Variants in PCSK7 observed in about 807,000 individuals in gnomAD.
The protein encoded by PCSK7 is lymphoma proprotein convertase.
In PCSK7, 38 loss-of-function variants were observed where a neutral mutation model predicts 73.3. That is an observed-to-expected ratio of 0.52 (90% CI 0.40 to 0.68). The LOEUF (loss-of-function observed/expected upper bound fraction) is 0.68. Ranked by LOEUF, PCSK7 falls within the 30% of genes least tolerant of loss-of-function variation. The pLI, the probability that PCSK7 is intolerant of heterozygous loss-of-function variation, is 0.00. For synonymous variants in PCSK7, 296 were observed against 383.8 expected (o/e 0.77, Z 2.68); for missense variants, 692 against 991.5 (o/e 0.70, Z 4.06).
At chr11:117,229,319 T>G in intron 3 of PCSK7, 58 bp downstream of exon 3, 1 of 1,305,640 alleles carries the variant, frequency 7.7e-7, no homozygotes. Context: ...AAAAGCCCAT[T>G]AAAGAACTGG....
intron 10 of PCSK7, 43 bp downstream of exon 10, chr11:117,219,548 A>G: frequency 6.3e-7 from 1 of 1,585,104 alleles, no homozygotes; most frequent in Non-Finnish European, 8.6e-7. Flanking sequence ...CGAACTCTGG[A>G]GCAGGCTGGG....
At chr11:117,219,324 A>C in intron 10 of PCSK7, 160 bp from the exon 11 acceptor site, 1 of 656,660 alleles carries the variant, frequency 1.5e-6, no homozygotes, top group Non-Finnish European at 2.6e-6. Flanking sequence ...ACAAAAGGTC[A>C]AAGCCCATGA....
chr11:117,225,632 G>A (rs1055317780), intron 6 of PCSK7: 1 of 414,312 alleles, frequency 2.4e-6, no homozygotes, highest in Admixed American at 3.5e-5. Flanking sequence ...GCATTCAGCT[G>A]GCCTGTGGAT....
Position 117,229,704 on chromosome 11 carries a change from C to T in PCSK7, c.141G>A (p.Gln47=), listed in dbSNP as rs150193989. 1.7e-5 allele frequency: 28 copies of T among 1,613,768 alleles called. No individual in the cohort carries two copies. In the African/African-American group the frequency reaches 3.6e-4, roughly 21 times the overall value. Residue 47 remains glutamine, a synonymous_variant, in exon 3 of 17, where the codon CAG becomes CAA. Coordinates refer to ENST00000320934, the MANE Select transcript of PCSK7 (RefSeq NM_004716.4). ...GLAGTGGPDG[Q]GTGGPSWAVH... is the part of the protein sequence containing the mutation. ...CAGCCCAGCTCGGCCCCCCTGTGCC[C>T]TGGCCATCAGGCCCACCTGTCCCTG...
At chr11:117,213,950 C>CCTTTTTT (rs2031843534) in intron 12 of PCSK7, 1 of 120,768 alleles carries the variant, frequency 8.3e-6, no homozygotes, top group African/African-American at 3.3e-5. Context: ...CTTTTCTTTT[C>CCTTTTTT]TTTTTCTTTT....
chr11:117,231,369 T>C (rs2032656364), intron 1 of PCSK7, among the ~76,000 whole-genome samples: 1 of 152,092 alleles, frequency 6.6e-6, no homozygotes, highest in Admixed American at 6.5e-5. Flanking sequence ...TCCCTCTCAA[T>C]CCCTCCCTGC....
At position 117,204,442 on chromosome 11, in the gene PCSK7, C is replaced by G; in HGVS notation, c.*1555G>C. On this transcript the variant is annotated 3_prime_UTR_variant, in exon 17 of 17. Coordinates refer to ENST00000320934, the MANE Select transcript of PCSK7 (RefSeq NM_004716.4). ...CCGCTTAGCCTGCCTCACCCACACC[C>G]GTGTGGTACCTTCAGCCCTGGCCAA... 6.3e-7 allele frequency: 1 copy of G among 1,587,568 alleles called. No individual in the cohort carries two copies. The highest frequency in any genetic ancestry group is 1.7e-5 in the Admixed American group (1 of 58,324).
chr11:117,211,984 A>G (rs2031747620), intron 12 of PCSK7: 2 of 152,338 alleles, frequency 1.3e-5, no homozygotes, highest in South Asian at 4.1e-4. Flanking sequence ...TGTATCAGAT[A>G]TTATTTCTTT....
rs1160890359 is a variant in PCSK7, at chr11:117,224,103, G to A, written c.1029C>T (p.Ala343=). ...CTATGGTGACGGTGTAGATGGAGTT[G>A]GCGTAGCCATCGTAGTTGCAGTTGT... ...HNDNCNYDGY[A]NSIYTVTIGA... is the part of the protein sequence containing the mutation. Residue 343 remains alanine, a synonymous_variant, in exon 8 of 17, where the codon GCC becomes GCT. Transcript: ENST00000320934. 1.9e-6 allele frequency: 3 copies of A among 1,613,914 alleles called. No individual in the cohort carries two copies. Among genetic ancestry groups the A allele is most frequent in the African/African-American group, 1.3e-5 (1 of 74,950 alleles).
In PCSK7 at chr11:117,229,762, A is replaced by T; in HGVS notation, c.83T>A (p.Leu28His). The change falls in exon 3 of 17, where the codon CTC (leucine) becomes CAC (histidine). Residue 28 changes from leucine (L) to histidine (H), a missense_variant. By Grantham distance (99) the Leu-to-His change is moderately conservative. Around this residue, in one of 6 missense-constraint regions of PCSK7, gnomAD observed 574 missense variants for 689.8 expected, o/e 0.83. Transcript: ENST00000320934. Reference protein sequence around the residue: ...PTCLWLELAGLFLLVPWVMGL... With the variant: ...PTCLWLELAGHFLLVPWVMGL... ...CATGACCCAGGGAACCAGTAAGAAG[A>T]GCCCGGCTAATTCCAGCCAGAGGCA... 1 of 1,613,400 alleles carries T rather than the reference A, an allele frequency of 6.2e-7. No homozygotes were observed. Among genetic ancestry groups the T allele is most frequent in the Non-Finnish European group, 8.5e-7 (1 of 1,179,518 alleles).
At chr11:117,210,747 T>G (rs1159415746) in intron 12 of PCSK7, 1 of 152,150 alleles carries the variant, frequency 6.6e-6, no homozygotes, top group African/African-American at 2.4e-5. Context: ...GAGGATAACT[T>G]CAGCCTGGGA....
At chr11:117,217,277 G>A (rs990908765) in intron 12 of PCSK7, 1 of 152,222 alleles carries the variant, frequency 6.6e-6, no homozygotes, top group Non-Finnish European at 1.5e-5. Flanking sequence ...TTAAGTCACT[G>A]CCCTCATTTG....
Position 117,225,951 on chromosome 11 carries a change from G to C in PCSK7, c.840C>G (p.Ile280Met). 6.2e-7 allele frequency: 1 copy of C among 1,607,996 alleles called. No individual in the cohort carries two copies. Among genetic ancestry groups the C allele is most frequent in the Non-Finnish European group, 8.5e-7 (1 of 1,174,508 alleles). Residue 280 changes from isoleucine (I) to methionine (M), a missense_variant, in exon 6 of 17, where the codon ATC (isoleucine) becomes ATG (methionine). Around this residue, in one of 6 missense-constraint regions of PCSK7, gnomAD observed 574 missense variants for 689.8 expected, o/e 0.83. Coordinates refer to ENST00000320934, the MANE Select transcript of PCSK7 (RefSeq NM_004716.4). ...CTCACCTGCAGCTGTAGATGTCATT[G>C]ATCTGATAGTGCTTGTTGAACGCCA... ...EAVAFNKHYQINDIYSCSWGP... is the reference protein window; with the variant it reads ...EAVAFNKHYQMNDIYSCSWGP...
At chr11:117,211,498 C>T (rs956908191) in intron 12 of PCSK7, 2 of 152,202 alleles carry the variant, frequency 1.3e-5, no homozygotes, top group African/African-American at 4.8e-5. Context: ...CCACTTTCCC[C>T]ACTCTCTTCT....
intron 9 of PCSK7, 148 bp from the exon 10 acceptor site, chr11:117,219,906 C>A (rs143491335): frequency 3.8e-6 from 2 of 522,678 alleles, no homozygotes; most frequent in Non-Finnish European, 6.8e-6. Flanking sequence ...TGCACTCCAG[C>A]CTAGGTGGCT....
chr11:117,224,645 C>G, intron 7 of PCSK7, 56 bp downstream of exon 7: 2 of 1,382,924 alleles, frequency 1.4e-6, no homozygotes, highest in Non-Finnish European at 2.1e-6. Flanking sequence ...GCAGTTCTCC[C>G]GGGACTGTAT....
In PCSK7 at chr11:117,230,341, G is replaced by A. The variant is rs919433351; in HGVS notation, c.-13+8C>T. ...GGCTAATTCCCCATAACAGGGCCCC[G>A]TGCCCACCTGGATTCTACATGAGGT... On this transcript the variant is annotated splice_region_variant and intron_variant, in intron 2 of 16. Transcript: ENST00000320934. 5 of 154,498 alleles carry A rather than the reference G, an allele frequency of 3.2e-5. No homozygotes were observed. Among genetic ancestry groups the A allele is most frequent in the African/African-American group, 9.7e-5 (4 of 41,450 alleles). 9.6% of individuals were successfully genotyped at this position (154,498 alleles called of 1,614,324 possible).
chr11:117,216,432 A>ATTTTTTTTTTTTTTTT lies in PCSK7; in HGVS notation c.1534+2033_1534+2034insAAAAAAAAAAAAAAAA, dbSNP rs761129566. 2 of 115,824 alleles carry ATTTTTTTTTTTTTTTT rather than the reference A, an allele frequency of 1.7e-5. 1 individual carries two copies. The highest frequency in any genetic ancestry group is 7.9e-5 in the African/African-American group (2 of 25,266). 7.2% of individuals were successfully genotyped at this position (115,824 alleles called of 1,614,324 possible). The stretch of plus-strand genomic sequence containing the variant: ...CCTGGGACTGAGCTGCTCAACTCTC[A>ATTTTTTTTTTTTTTTT]ATTTTTTTTTTTTTTTTTTTTTTTG... On this transcript the variant is annotated intron_variant, in intron 12 of 16. Transcript: ENST00000320934.
Position 117,226,045 on chromosome 11 carries a change from C to A in PCSK7, c.770-24G>T, listed in dbSNP as rs1487433963. The stretch of plus-strand genomic sequence containing the variant: ...ACCTAGGCAATGAAGGCCACAGCAG[C>A]TCCTCACTAATGCTGGTCTCCTAGC... On this transcript the variant is annotated intron_variant, in intron 5 of 16. Coordinates refer to ENST00000320934, the MANE Select transcript of PCSK7 (RefSeq NM_004716.4). 4 of 1,321,236 alleles carry A rather than the reference C, an allele frequency of 3.0e-6. No individual in the cohort carries two copies. In the African/African-American group the frequency reaches 5.8e-5, roughly 19 times the overall value. 81.8% of individuals were successfully genotyped at this position (1,321,236 alleles called of 1,614,324 possible). A position where few individuals can be genotyped will look rare whatever the true frequency, so the allele number is the denominator to read the frequency against.
Sources: allele counts gnomAD v4.1 joint callset (sites outside exome capture counted in the v4.1 genomes callset), GRCh38; gene constraint gnomAD v4.1.1; regional missense constraint gnomAD v4.1.1; transcripts MANE v1.5; gene names NCBI Gene and HGNC (gene_info 2026-07-23, HGNC 2026-07-21).